Variants in RAB27A observed in about 807,000 individuals in gnomAD.
RAB27A encodes the protein ras-related protein Rab-27A.
In RAB27A, 17 loss-of-function variants were observed where a neutral mutation model predicts 20.8. That is an observed-to-expected ratio of 0.82 (90% confidence interval 0.56 to 1.23). The LOEUF is 1.23. Among genes scored for constraint, RAB27A ranks in the 50% most tolerant of loss-of-function variants. RAB27A has a pLI of 0.00. For missense variants in RAB27A, 277 were observed against 266.7 expected (o/e 1.04, Z -0.27); for synonymous variants, 85 against 92.8 (o/e 0.92, Z 0.48).
At chr15:55,288,603 GAAA>G (rs1898221552) in intron 1 of RAB27A, among the ~76,000 whole-genome samples, 1 of 151,334 alleles carries the variant, frequency 6.6e-6, no homozygotes. Context: ...AAGGAAGGAA[GAAA>G]AAAGGGAGGG....
At chr15:55,306,161 A>G (rs948341255) in intron 2 of RAB27A, among the ~76,000 whole-genome samples, 6 of 152,126 alleles carry the variant, frequency 3.9e-5, no homozygotes, top group Admixed American at 2.0e-4. Flanking sequence ...TGTCTATCGT[A>G]TTGCTAAATT....
At chr15:55,298,277 T>C (rs1393577429) in intron 2 of RAB27A, among the ~76,000 whole-genome samples, 1 of 151,764 alleles carries the variant, frequency 6.6e-6, no homozygotes, top group East Asian at 1.9e-4. Flanking sequence ...TAGGTTCTTT[T>C]CTACTTTCCC....
chr15:55,317,772 A>C, intron 1 of RAB27A: 2 of 398,514 alleles, frequency 5.0e-6, no homozygotes, highest in Non-Finnish European at 8.9e-6. Flanking sequence ...GCAGTTGTGC[A>C]AAAGTCAATC....
chr15:55,210,337 T>C (rs1271767525), intron 6 of RAB27A, among the ~76,000 whole-genome samples: 1 of 151,186 alleles, frequency 6.6e-6, no homozygotes, highest in African/African-American at 2.4e-5. Flanking sequence ...CTAATTTACT[T>C]TCCCACCAAC....
intron 1 of RAB27A, among the ~76,000 whole-genome samples, chr15:55,318,259 G>A (rs950176150): frequency 6.6e-6 from 1 of 150,932 alleles, no homozygotes; most frequent in Non-Finnish European, 1.5e-5. Context: ...CACCACACCC[G>A]GCTAATTTTT....
intron 2 of RAB27A, among the ~76,000 whole-genome samples, chr15:55,254,576 ATATACT>A (rs1897014356): frequency 6.6e-6 from 1 of 152,290 alleles, no homozygotes. Flanking sequence ...AGCTCTTATA[ATATACT>A]TATAAACTGT....
At chr15:55,241,600 T>TTCTATCTATATATATATATATATA (rs1388634936) in intron 2 of RAB27A, among the ~76,000 whole-genome samples, 1 of 123,898 alleles carries the variant, frequency 8.1e-6, no homozygotes, top group African/African-American at 4.3e-5. Flanking sequence ...CAAGACCTAT[T>TTCTATCTATATATATATATATATA]TATATATATA....
intron 2 of RAB27A, chr15:55,238,443 ATACCAAT>A (rs1489683799): frequency 3.3e-5 from 5 of 152,300 alleles, no homozygotes; most frequent in African/African-American, 1.2e-4. Flanking sequence ...AATCTCCCAG[ATACCAAT>A]TACTTGGATG....
chr15:55,239,293 T>C (rs1896388299), intron 2 of RAB27A, among the ~76,000 whole-genome samples: 1 of 152,200 alleles, frequency 6.6e-6, no homozygotes, highest in African/African-American at 2.4e-5. Context: ...CAGTCTGAAA[T>C]GTTTCAAATT....
At chr15:55,260,682 A>C (rs994449286) in intron 2 of RAB27A, among the ~76,000 whole-genome samples, 2 of 152,258 alleles carry the variant, frequency 1.3e-5, no homozygotes, top group East Asian at 1.9e-4. Context: ...GAAAGAAGCC[A>C]ATCTGTATGA....
intron 1 of RAB27A, among the ~76,000 whole-genome samples, chr15:55,277,472 G>A (rs1451371720): frequency 6.6e-6 from 1 of 152,040 alleles, no homozygotes; most frequent in East Asian, 1.9e-4. Context: ...ATAATAAATG[G>A]CTCCTGACTG....
chr15:55,258,468 G>A (rs1174364331), intron 2 of RAB27A, among the ~76,000 whole-genome samples: 3 of 152,186 alleles, frequency 2.0e-5, no homozygotes, highest in African/African-American at 7.2e-5. Context: ...CAGCCACCCT[G>A]AGGGACAAAG....
At chr15:55,300,355 C>G (rs76031675) in intron 2 of RAB27A, among the ~76,000 whole-genome samples, 7,794 of 152,024 alleles carry the variant, frequency 0.051, 277 homozygotes, top group East Asian at 0.15. Context: ...TGATGGCAAA[C>G]AGATACGGTA....
chr15:55,268,246 G>A lies in RAB27A; in HGVS notation c.-23+1919C>T, dbSNP rs542047899. ...CCCACAATGACTTCTGATAATGGGG[G>A]TTGGGGTTCATTCCCAGGTGAAAAG... is the stretch of plus-strand genomic sequence containing the variant. On this transcript the variant is annotated intron_variant, in intron 2 of 6. Transcript: ENST00000336787. Among the ~76,000 whole-genome samples, 12 of 152,228 alleles carry A rather than the reference G, an allele frequency of 7.9e-5. No individual in the cohort carries two copies. The South Asian group carries it at 2.5e-3, about 32-fold the overall frequency.
Position 55,268,272 on chromosome 15 carries a change from C to T in RAB27A, c.-23+1893G>A, listed in dbSNP as rs79323462. Reference sequence around the variant, plus strand: ...TTGGGGTTCATTCCCAGGTGAAAAGCATGAGTTTGTGGCAAAGAAAACAGT... The same window carrying T: ...TTGGGGTTCATTCCCAGGTGAAAAGTATGAGTTTGTGGCAAAGAAAACAGT... On this transcript the variant is annotated intron_variant, in intron 2 of 6. Coordinates refer to ENST00000336787, the MANE Select transcript of RAB27A (RefSeq NM_183235.3). Among the ~76,000 whole-genome samples, 117 of 152,158 alleles carry T rather than the reference C, an allele frequency of 7.7e-4. No homozygotes were observed. In the East Asian group the frequency reaches 0.021, roughly 27 times the overall value.
At chr15:55,243,503 A>G (rs1354030412) in intron 2 of RAB27A, among the ~76,000 whole-genome samples, 3 of 152,048 alleles carry the variant, frequency 2.0e-5, no homozygotes, top group African/African-American at 7.2e-5. Flanking sequence ...AAAAATACAA[A>G]AAATTGGCTG....
chr15:55,295,695 A>T (rs1417245683), intron 2 of RAB27A, among the ~76,000 whole-genome samples: 1 of 152,112 alleles, frequency 6.6e-6, no homozygotes, highest in East Asian at 1.9e-4. Flanking sequence ...GGCTAGGGAG[A>T]GGGAGAAATG....
chr15:55,283,061 A>T (rs1054043443), intron 1 of RAB27A, among the ~76,000 whole-genome samples: 1 of 152,154 alleles, frequency 6.6e-6, no homozygotes, highest in African/African-American at 2.4e-5. Flanking sequence ...AACTTGGGAA[A>T]CTGTAAGCCA....
At chr15:55,241,624 A>ATATATATATATATATATATGTGTG (rs377301086) in intron 2 of RAB27A, among the ~76,000 whole-genome samples, 83 of 117,598 alleles carry the variant, frequency 7.1e-4, no homozygotes, top group African/African-American at 3.2e-3. Context: ...ATATATATAT[A>ATATATATATATATATATATGTGTG]TGTGTGTATA....
Sources: gnomAD v4.1 joint callset for allele counts (sites outside exome capture counted in the v4.1 genomes callset) on GRCh38, gnomAD v4.1.1 for gene constraint, MANE v1.5 for transcripts, NCBI Gene and HGNC (gene_info 2026-07-23, HGNC 2026-07-21) for gene names.